Variants in SYNE1 observed in about 807,000 individuals in gnomAD.
SYNE1 encodes spectrin repeat containing nuclear envelope protein 1, also known as nesprin-1.
SYNE1 carries 616 observed loss-of-function variants against 1,111.0 expected under a neutral mutation model. That is an observed-to-expected ratio of 0.55 (90% CI 0.52 to 0.59). The LOEUF is 0.59. Ranked by LOEUF, SYNE1 falls within the 20% of genes least tolerant of loss-of-function variation. The pLI is 0.00. For synonymous variants in SYNE1, 3,855 were observed against 3,825.8 expected, an observed-to-expected ratio of 1.01 and a Z score of -0.28; for missense variants, 10,006 against 10,417.0, an observed-to-expected ratio of 0.96 and a Z score of 1.72.
intron 59 of SYNE1, among the ~76,000 whole-genome samples, chr6:152,372,075 A>G (rs1410358225): frequency 6.6e-6 from 1 of 152,170 alleles, no homozygotes; most frequent in Non-Finnish European, 1.5e-5. Flanking sequence ...TGACCTACTC[A>G]CCTACTCTTG....
At chr6:152,167,715 C>T (rs1316231781) in intron 130 of SYNE1, 1 of 524,306 alleles carries the variant, frequency 1.9e-6, no homozygotes, top group African/African-American at 1.9e-5. Flanking sequence ...AGCTGTGAAC[C>T]AGCTAAGGCT....
At chr6:152,551,761 A>T (rs2099347790) in intron 3 of SYNE1, among the ~76,000 whole-genome samples, 1 of 152,202 alleles carries the variant, frequency 6.6e-6, no homozygotes, top group South Asian at 2.1e-4. Flanking sequence ...TTCCTACTGA[A>T]TTACATATAA....
intron 95 of SYNE1, among the ~76,000 whole-genome samples, chr6:152,284,694 C>A (rs2094231680): frequency 1.3e-5 from 2 of 149,876 alleles, no homozygotes; most frequent in South Asian, 2.1e-4. Context: ...AAACTCCTGG[C>A]CTCAGGGAAT....
Position 152,154,972 on chromosome 6 carries a change from A to T in SYNE1, c.24049T>A (p.Ser8017Thr). ...GGAAAAGCAGCTGTCCTTTCTGAAGACTTCAGCCAATCTTCAAAACGTGAA... is the reference window on the plus strand; with the variant it reads ...GGAAAAGCAGCTGTCCTTTCTGAAGTCTTCAGCCAATCTTCAAAACGTGAA... ...DYSRFEDWLK[S>T]SERTAAFPSS... is the part of the protein sequence containing the mutation. Residue 8017 changes from serine to threonine, a missense_variant, in exon 133 of 146, where the codon TCT (serine) becomes ACT (threonine). This residue lies in a region of SYNE1 where 2,182 missense variants were observed against 2,287.8 expected (regional missense o/e 0.95). Transcript: ENST00000367255. The T allele has an allele frequency of 6.2e-7, 1 of 1,614,222 alleles. No homozygotes were observed.
chr6:152,179,973 G>A (rs1231328866), intron 129 of SYNE1, among the ~76,000 whole-genome samples, 163 bp downstream of exon 129: 1 of 152,062 alleles, frequency 6.6e-6, no homozygotes, highest in Non-Finnish European at 1.5e-5. Context: ...GTGAGCCACT[G>A]CGCCCAGCTG....
chr6:152,318,854 A>G lies in SYNE1; in HGVS notation c.16389+9T>C, dbSNP rs780973147. On this transcript the variant is annotated intron_variant, in intron 85 of 145. Transcript: ENST00000367255. ...ATTCAGTAGTACCCTTTAAAATTCT[A>G]CTTCTTACCTTTTGGTCAGTTTTAG... 3 of 1,613,996 alleles carry G rather than the reference A, an allele frequency of 1.9e-6. No homozygotes were observed. The highest frequency in any genetic ancestry group is 1.1e-5 in the South Asian group (1 of 91,054).
chr6:152,278,623 C>T lies in SYNE1; in HGVS notation c.18382-343G>A, dbSNP rs181712075. The stretch of plus-strand genomic sequence containing the variant: ...GACTACAGGCGCCCACCACTATGCC[C>T]GGCTACTGTTTTGTTTTTTAGTAGA... On this transcript the variant is annotated intron_variant, in intron 97 of 145. Coordinates refer to ENST00000367255, the MANE Select transcript of SYNE1 (RefSeq NM_182961.4). Among the ~76,000 whole-genome samples, 42 of 152,148 alleles carry T rather than the reference C, an allele frequency of 2.8e-4. No individual in the cohort carries two copies. The East Asian group carries it at 7.9e-3, about 29-fold the overall frequency.
At chr6:152,623,167 A>G (rs564332285) in intron 3 of SYNE1, among the ~76,000 whole-genome samples, 2 of 152,284 alleles carry the variant, frequency 1.3e-5, no homozygotes, top group South Asian at 4.1e-4. Flanking sequence ...AATCAATGGA[A>G]CAGAACAGAG....
At chr6:152,384,933 T>C (rs895916811) in intron 55 of SYNE1, among the ~76,000 whole-genome samples, 3 of 152,158 alleles carry the variant, frequency 2.0e-5, no homozygotes, top group Non-Finnish European at 4.4e-5. Context: ...AACCATCAGC[T>C]ATAATTTTTA....
At chr6:152,609,088 G>A (rs1271127836) in intron 3 of SYNE1, among the ~76,000 whole-genome samples, 1 of 152,030 alleles carries the variant, frequency 6.6e-6, no homozygotes, top group Non-Finnish European at 1.5e-5. Context: ...TTCCAACTGA[G>A]GTACCTGGTT....
intron 101 of SYNE1, among the ~76,000 whole-genome samples, chr6:152,261,827 A>G (rs2092034651): frequency 6.6e-6 from 1 of 152,200 alleles, no homozygotes; most frequent in African/African-American, 2.4e-5. Flanking sequence ...TTGTCTATAA[A>G]TCAAATAAAT....
intron 59 of SYNE1, among the ~76,000 whole-genome samples, chr6:152,370,530 A>G (rs773806615): frequency 2.0e-5 from 3 of 152,228 alleles, no homozygotes; most frequent in Non-Finnish European, 4.4e-5. Flanking sequence ...ATGTCATAAT[A>G]CTTTCACAGT....
At chr6:152,252,877 C>G (rs1432238184) in intron 104 of SYNE1, among the ~76,000 whole-genome samples, 1 of 152,140 alleles carries the variant, frequency 6.6e-6, no homozygotes, top group Non-Finnish European at 1.5e-5. Flanking sequence ...AAAGTAAGTT[C>G]CAGAGCATTC....
At chr6:152,177,689 G>C (rs1217529161) in intron 129 of SYNE1, among the ~76,000 whole-genome samples, 1 of 152,136 alleles carries the variant, frequency 6.6e-6, no homozygotes, top group Non-Finnish European at 1.5e-5. Context: ...GGGATTCAAA[G>C]ACCAATACGT....
At chr6:152,193,765 A>C (rs1587459240) in intron 127 of SYNE1, among the ~76,000 whole-genome samples, 2 of 151,996 alleles carry the variant, frequency 1.3e-5, no homozygotes, top group Admixed American at 1.3e-4. Context: ...TAATCCCAGC[A>C]CTCTAGGGGG....
chr6:152,572,085 GC>G (rs965447180), intron 3 of SYNE1, among the ~76,000 whole-genome samples: 6 of 152,136 alleles, frequency 3.9e-5, no homozygotes, highest in African/African-American at 1.4e-4. Context: ...ATTTGAAAAG[GC>G]AAGTAGAAAT....
At chr6:152,572,638 C>T (rs1305256875) in intron 3 of SYNE1, among the ~76,000 whole-genome samples, 1 of 152,150 alleles carries the variant, frequency 6.6e-6, no homozygotes, top group African/African-American at 2.4e-5. Context: ...AGCTCCTCTG[C>T]AGTTGGAAAG....
At chr6:152,537,018 G>A (rs2099246608) in intron 4 of SYNE1, among the ~76,000 whole-genome samples, 2 of 152,028 alleles carry the variant, frequency 1.3e-5, no homozygotes, top group Admixed American at 1.3e-4. Flanking sequence ...ACTTGACTTT[G>A]AAAAACCATC....
At chr6:152,496,036 G>A (rs1299192501) in intron 11 of SYNE1, among the ~76,000 whole-genome samples, 1 of 152,112 alleles carries the variant, frequency 6.6e-6, no homozygotes, top group African/African-American at 2.4e-5. Flanking sequence ...CATTTCCAGT[G>A]TTGCACAAGG....
Sources: allele counts gnomAD v4.1 joint callset (sites outside exome capture counted in the v4.1 genomes callset), GRCh38; gene constraint gnomAD v4.1.1; regional missense constraint gnomAD v4.1.1; transcripts MANE v1.5; gene names NCBI Gene and HGNC (gene_info 2026-07-23, HGNC 2026-07-21).